The following VSNL1 variants were observed in gnomAD, a reference collection of about 807,000 sequenced individuals.
VSNL1 encodes the protein visinin-like protein 1.
VSNL1 carries 6 observed loss-of-function variants against 20.4 expected under a neutral mutation model. That is an observed-to-expected ratio of 0.29 (90% CI 0.16 to 0.58). The LOEUF is 0.58. VSNL1 is among the 20% of genes least tolerant of loss of function. VSNL1 has a pLI of 0.90. For synonymous variants in VSNL1, 93 were observed against 86.4 expected (o/e 1.08, Z -0.42); for missense variants, 100 against 234.5 (o/e 0.43, Z 3.75).
At chr2:17,629,822 T>C (rs939148207) in intron 2 of VSNL1, among the ~76,000 whole-genome samples, 1 of 152,248 alleles carries the variant, frequency 6.6e-6, no homozygotes, top group Non-Finnish European at 1.5e-5. Flanking sequence ...AAGAATTTTA[T>C]TGAGCAATGA....
chr2:17,556,265 T>C (rs1008587667), intron 1 of VSNL1, among the ~76,000 whole-genome samples: 3 of 152,216 alleles, frequency 2.0e-5, no homozygotes, highest in Admixed American at 6.5e-5. Flanking sequence ...TATGAACCCC[T>C]GCTTTTACAT....
intron 1 of VSNL1, among the ~76,000 whole-genome samples, chr2:17,578,389 G>A (rs1159855654): frequency 6.6e-6 from 1 of 152,180 alleles, no homozygotes; most frequent in Non-Finnish European, 1.5e-5. Context: ...GGATTGTTTT[G>A]AGGTTTTCTT....
At chr2:17,606,879 G>T (rs1402260215) in intron 2 of VSNL1, among the ~76,000 whole-genome samples, 1 of 152,200 alleles carries the variant, frequency 6.6e-6, no homozygotes, top group Non-Finnish European at 1.5e-5. Flanking sequence ...CTTCTGGGGT[G>T]GGAAGGATTC....
chr2:17,620,182 T>A (rs1037448291), intron 2 of VSNL1, among the ~76,000 whole-genome samples: 6 of 152,172 alleles, frequency 3.9e-5, no homozygotes, highest in Non-Finnish European at 8.8e-5. Flanking sequence ...ATGCCTAATG[T>A]GTCCGTCAGG....
chr2:17,609,175 C>G (rs13006235), intron 2 of VSNL1, among the ~76,000 whole-genome samples: 12,302 of 152,212 alleles, frequency 0.081, 662 homozygotes, highest in Middle Eastern at 0.16. Context: ...GTCTCTTTCT[C>G]TTTTCGTGCT....
chr2:17,574,174 G>A (rs1285148400), intron 1 of VSNL1, among the ~76,000 whole-genome samples: 1 of 152,076 alleles, frequency 6.6e-6, no homozygotes, highest in Non-Finnish European at 1.5e-5. Context: ...TAGGTTCTGG[G>A]TAAATCCTAT....
chr2:17,576,533 C>T (rs1258363701), intron 1 of VSNL1, among the ~76,000 whole-genome samples: 1 of 152,070 alleles, frequency 6.6e-6, no homozygotes, highest in African/African-American at 2.4e-5. Flanking sequence ...TAAACTTGGC[C>T]ATTGATATTT....
intron 1 of VSNL1, among the ~76,000 whole-genome samples, chr2:17,589,223 A>C (rs138765417): frequency 6.6e-6 from 1 of 152,332 alleles, no homozygotes; most frequent in South Asian, 2.1e-4. Context: ...GTGTGGAAGC[A>C]TGCAATCCTG....
intron 1 of VSNL1, among the ~76,000 whole-genome samples, chr2:17,556,304 A>G (rs13397736): frequency 0.031 from 4,708 of 152,312 alleles, 228 homozygotes; most frequent in African/African-American, 0.11. Context: ...TGTTTATTCA[A>G]CTGAACAACC....
chr2:17,555,299 C>G (rs367725818), intron 1 of VSNL1, among the ~76,000 whole-genome samples: 1 of 152,144 alleles, frequency 6.6e-6, no homozygotes, highest in Admixed American at 6.5e-5. Context: ...AAAGCCTATT[C>G]TAATCAAAAC....
intron 2 of VSNL1, among the ~76,000 whole-genome samples, chr2:17,601,795 T>A (rs1473999792): frequency 1.3e-5 from 2 of 151,684 alleles, no homozygotes; most frequent in African/African-American, 4.9e-5. Context: ...ATTAGCTGGG[T>A]GTGGTGGCAT....
chr2:17,629,519 T>C (rs1441531660), intron 2 of VSNL1, among the ~76,000 whole-genome samples: 1 of 152,244 alleles, frequency 6.6e-6, no homozygotes. Context: ...AAATCCCCTC[T>C]CTGTGTAAGC....
intron 2 of VSNL1, among the ~76,000 whole-genome samples, chr2:17,613,847 G>T (rs1665149092): frequency 6.6e-6 from 1 of 152,196 alleles, no homozygotes; most frequent in Non-Finnish European, 1.5e-5. Flanking sequence ...TTAAATGGTT[G>T]CATGTAGGGA....
intron 1 of VSNL1, among the ~76,000 whole-genome samples, chr2:17,588,395 A>C (rs551673006): frequency 1.2e-4 from 19 of 152,322 alleles, no homozygotes; most frequent in Admixed American, 8.5e-4. Context: ...CTAGGAAGGA[A>C]AGGATCTTGG....
chr2:17,584,049 C>T (rs575026759), intron 1 of VSNL1, among the ~76,000 whole-genome samples: 1 of 152,258 alleles, frequency 6.6e-6, no homozygotes, highest in African/African-American at 2.4e-5. Flanking sequence ...GAGCAAATAA[C>T]ATTATTTTAT....
intron 1 of VSNL1, among the ~76,000 whole-genome samples, chr2:17,577,171 C>T (rs1025034275): frequency 5.3e-5 from 8 of 152,092 alleles, no homozygotes; most frequent in Admixed American, 4.6e-4. Flanking sequence ...TTTATGGGAC[C>T]ACCATCATAT....
intron 2 of VSNL1, among the ~76,000 whole-genome samples, chr2:17,631,016 G>C (rs548834931): frequency 1.3e-5 from 2 of 152,290 alleles, no homozygotes; most frequent in South Asian, 4.1e-4. Flanking sequence ...TCTTGACCTC[G>C]TGATCTGCCC....
At chr2:17,646,417 G>C (rs961446079) in intron 2 of VSNL1, among the ~76,000 whole-genome samples, 2 of 152,156 alleles carry the variant, frequency 1.3e-5, no homozygotes, top group Non-Finnish European at 2.9e-5. Context: ...TGGCAGAAAC[G>C]GTCAGACAGA....
intron 2 of VSNL1, among the ~76,000 whole-genome samples, chr2:17,593,557 G>T (rs1664644177): frequency 6.6e-6 from 1 of 152,082 alleles, no homozygotes; most frequent in African/African-American, 2.4e-5. Flanking sequence ...GAAATTGGGG[G>T]TATGGCCATG....
Sources: allele counts gnomAD v4.1 joint callset (sites outside exome capture counted in the v4.1 genomes callset), GRCh38; gene constraint gnomAD v4.1.1; transcripts MANE v1.5; gene names NCBI Gene and HGNC (gene_info 2026-07-23, HGNC 2026-07-21).